Variants in SCIN observed in about 807,000 individuals in gnomAD.
SCIN encodes adseverin.
Under a neutral mutation model 91.8 loss-of-function variants are expected in SCIN, and 91 were observed. That is an observed-to-expected ratio of 0.99 (90% CI 0.84 to 1.18). SCIN has a LOEUF of 1.18. SCIN is among the 50% of genes most tolerant of loss of function. SCIN has a pLI of 0.00. For synonymous variants in SCIN, 367 were observed against 312.6 expected (o/e 1.17, Z -1.84); for missense variants, 1,087 against 863.9 (o/e 1.26, Z -3.24).
intron 3 of SCIN, among the ~76,000 whole-genome samples, chr7:12,581,716 T>G (rs1289481442): frequency 6.6e-6 from 1 of 152,224 alleles, no homozygotes; most frequent in Non-Finnish European, 1.5e-5. Flanking sequence ...AAATATCAAG[T>G]ATTATCTTAA....
chr7:12,652,900 C>G lies in SCIN; in HGVS notation c.*185C>G, dbSNP rs973587896. ...AGGCGGATCACTGGGGTCAGGATTT[C>G]GAGACCAGCCTGGCCAACATGGCGA... On this transcript the variant is annotated 3_prime_UTR_variant, in exon 16 of 16. Coordinates refer to ENST00000297029, the MANE Select transcript of SCIN (RefSeq NM_001112706.3). 1.6e-6 allele frequency: 1 copy of G among 614,494 alleles called. No individual in the cohort carries two copies. The highest frequency in any genetic ancestry group is 3.6e-5 in the East Asian group (1 of 28,088). 38.1% of individuals were successfully genotyped at this position (614,494 alleles called of 1,614,324 possible).
At position 12,576,033 on chromosome 7, in the gene SCIN, C is replaced by G. The variant is rs564993292; in HGVS notation, c.200-2031C>G. ...TTCAGTTCATTCATTAACTTCATGC[C>G]TGTCCATTTACATCTACCTAAAGAG... On this transcript the variant is annotated intron_variant, in intron 1 of 15. Transcript: ENST00000297029. 1.9e-3 allele frequency among the ~76,000 whole-genome samples: 295 copies of G among 152,278 alleles called. 1 individual carries two copies. The highest frequency in any genetic ancestry group is 6.8e-3 in the African/African-American group (281 of 41,552).
chr7:12,607,713 C>A (rs1783107059), intron 4 of SCIN, among the ~76,000 whole-genome samples: 1 of 152,098 alleles, frequency 6.6e-6, no homozygotes, highest in Non-Finnish European at 1.5e-5. Flanking sequence ...TCAGTGAAAA[C>A]CTTTATTAGA....
chr7:12,653,975 T>C lies in SCIN; in HGVS notation c.*1260T>C, dbSNP rs1784129042. ...TATACCATTGTATATCAGTATATAC[T>C]GATACACTGAGTGGCAGTTGCATTA... On this transcript the variant is annotated 3_prime_UTR_variant, in exon 16 of 16. Transcript: ENST00000297029. The surrounding 1 kb of genome is among the most constrained non-coding windows in gnomAD (Gnocchi z 4.1). 6.6e-6 allele frequency: 1 copy of C among 152,200 alleles called. No homozygotes were observed. Among genetic ancestry groups the C allele is most frequent in the Admixed American group, 6.5e-5 (1 of 15,282 alleles). 9.4% of individuals were successfully genotyped at this position (152,200 alleles called of 1,614,324 possible).
intron 4 of SCIN, 82 bp downstream of exon 4, chr7:12,604,745 A>G: frequency 5.1e-6 from 6 of 1,178,246 alleles, no homozygotes; most frequent in Non-Finnish European, 7.0e-6. Flanking sequence ...TGTGTAAGGC[A>G]GCAGGGTGGG....
At chr7:12,643,228 T>C (rs1783890826) in intron 11 of SCIN, among the ~76,000 whole-genome samples, 1 of 152,168 alleles carries the variant, frequency 6.6e-6, no homozygotes, top group Non-Finnish European at 1.5e-5. Context: ...CCAGTCAAGA[T>C]CATTTTACAG....
At chr7:12,602,045 C>G in intron 3 of SCIN, among the ~76,000 whole-genome samples, 1 of 152,100 alleles carries the variant, frequency 6.6e-6, no homozygotes, top group Admixed American at 6.6e-5. Context: ...AGGTTGGGAG[C>G]CAGATATCGG....
rs572163919 is a variant in SCIN, at chr7:12,593,966, A to G, written c.517-10548A>G. ...TTGAGTAAGATATTTAAATTCTTTG[A>G]TGTAAGTATCAGGATCGGAGGAGAA... On this transcript the variant is annotated intron_variant, in intron 3 of 15. Coordinates refer to ENST00000297029, the MANE Select transcript of SCIN (RefSeq NM_001112706.3). Among the ~76,000 whole-genome samples, 3 of 152,336 alleles carry G rather than the reference A, an allele frequency of 2.0e-5. No homozygotes were observed. The South Asian group carries it at 6.2e-4, about 32-fold the overall frequency.
intron 15 of SCIN, among the ~76,000 whole-genome samples, chr7:12,652,148 A>T: frequency 6.6e-6 from 1 of 152,312 alleles, no homozygotes; most frequent in African/African-American, 2.4e-5. Context: ...CTGAAAACTT[A>T]AATTAATTTC....
chr7:12,600,805 A>T (rs1446362429), intron 3 of SCIN, among the ~76,000 whole-genome samples: 1 of 152,168 alleles, frequency 6.6e-6, no homozygotes. Flanking sequence ...TTTCCTAAGG[A>T]TAGGGCTCAC....
chr7:12,618,154 A>C (rs930500384), intron 4 of SCIN, among the ~76,000 whole-genome samples: 1 of 152,118 alleles, frequency 6.6e-6, no homozygotes, highest in Non-Finnish European at 1.5e-5. Flanking sequence ...TCCTCAAGAC[A>C]TGAGTGACTA....
chr7:12,610,117 T>C (rs1448118056), intron 4 of SCIN, among the ~76,000 whole-genome samples: 1 of 152,234 alleles, frequency 6.6e-6, no homozygotes, highest in Non-Finnish European at 1.5e-5. Context: ...ATGAAAATCC[T>C]ATTTTAGACT....
chr7:12,633,531 G>C (rs1783686726), intron 9 of SCIN, among the ~76,000 whole-genome samples: 1 of 152,212 alleles, frequency 6.6e-6, no homozygotes, highest in African/African-American at 2.4e-5. Flanking sequence ...AAGATGAGTA[G>C]AGAAGTATTT....
At chr7:12,642,450 A>G (rs1783876157) in intron 11 of SCIN, among the ~76,000 whole-genome samples, 2 of 152,124 alleles carry the variant, frequency 1.3e-5, no homozygotes, top group East Asian at 1.9e-4. Flanking sequence ...GACCTTGACC[A>G]TGACCTTCTC....
At position 12,651,767 on chromosome 7, in the gene SCIN, A is replaced by G; in HGVS notation, c.1960-74A>G. On this transcript the variant is annotated intron_variant, in intron 14 of 15. Transcript: ENST00000297029. The surrounding 1 kb of genome is among the most constrained non-coding windows in gnomAD (Gnocchi z 5.9). ...GATTGAATGAGCAATGTGTGTGTGA[A>G]GCACTTTACATAGGGCCTAGCACTG... 2 of 906,420 alleles carry G rather than the reference A, an allele frequency of 2.2e-6. No homozygotes were observed. Among genetic ancestry groups the G allele is most frequent in the South Asian group, 1.5e-5 (1 of 65,252 alleles). 56.1% of individuals were successfully genotyped at this position (906,420 alleles called of 1,614,324 possible). A position where few individuals can be genotyped will look rare whatever the true frequency, so the allele number is the denominator to read the frequency against.
chr7:12,592,408 G>A (rs536653949), intron 3 of SCIN, among the ~76,000 whole-genome samples: 63 of 152,272 alleles, frequency 4.1e-4, no homozygotes, highest in Admixed American at 2.9e-3. Context: ...GCTTGTTTAC[G>A]ATGGGCTGTA....
At chr7:12,652,528 G>A in intron 15 of SCIN, 60 bp from the exon 16 acceptor site, 4 of 1,453,126 alleles carry the variant, frequency 2.8e-6, no homozygotes, top group Non-Finnish European at 3.8e-6. Context: ...TTTTCAATCT[G>A]CAGTTACTTT....
chr7:12,581,183 T>G lies in SCIN; in HGVS notation c.478T>G (p.Phe160Val). Residue 160 changes from phenylalanine to valine, a missense_variant, in exon 3 of 16, where the codon TTC becomes GTC. Phe to Val is a conservative substitution (Grantham distance 50, BLOSUM62 -1). Coordinates refer to ENST00000297029, the MANE Select transcript of SCIN (RefSeq NM_001112706.3). ...ATEVPLSWDS[F>V]NKGDCFIIDL... ...AGAAGTTCCCCTTAGCTGGGACAGTTTCAACAAGGGTGACTGCTTCATCAT... is the reference window on the plus strand; with the variant it reads ...AGAAGTTCCCCTTAGCTGGGACAGTGTCAACAAGGGTGACTGCTTCATCAT... 1 of 1,551,502 alleles carries G rather than the reference T, an allele frequency of 6.4e-7. No homozygotes were observed. The highest frequency in any genetic ancestry group is 8.7e-7 in the Non-Finnish European group (1 of 1,146,814).
chr7:12,648,848 T>C (rs1318716702), intron 13 of SCIN, among the ~76,000 whole-genome samples: 1 of 152,162 alleles, frequency 6.6e-6, no homozygotes, highest in Non-Finnish European at 1.5e-5. Context: ...GGCTTGAGGA[T>C]AGCCACCCAG....
Sources: gnomAD v4.1 joint callset for allele counts (sites outside exome capture counted in the v4.1 genomes callset) on GRCh38, gnomAD v4.1.1 for gene constraint, Gnocchi (gnomAD v3.1) non-coding constraint, MANE v1.5 for transcripts, NCBI Gene and HGNC (gene_info 2026-07-23, HGNC 2026-07-21) for gene names.